IRF2: variants seen among roughly 807,000 people sequenced by gnomAD.
IRF2 encodes interferon regulatory factor 2.
Under a neutral mutation model 40.6 loss-of-function variants are expected in IRF2, and 15 were observed. The observed-to-expected ratio is 0.37, with a 90% CI of 0.25 to 0.57. The LOEUF is 0.57. Among genes scored for constraint, IRF2 ranks in the 20% least tolerant of loss-of-function variants. IRF2 has a pLI of 0.77. For synonymous variants in IRF2, 151 were observed against 165.5 expected (o/e 0.91, Z 0.67); for missense variants, 317 against 455.7 (o/e 0.70, Z 2.77).
At chr4:184,402,408 C>T (rs563400308) in intron 6 of IRF2, among the ~76,000 whole-genome samples, 3 of 152,288 alleles carry the variant, frequency 2.0e-5, no homozygotes, top group Admixed American at 1.3e-4. Context: ...CCCCGTCACT[C>T]GGCCGAAACT....
chr4:184,455,019 G>A lies in IRF2; in HGVS notation c.-7+19360C>T, dbSNP rs1008777400. Among the ~76,000 whole-genome samples, 63 of 152,222 alleles carry A rather than the reference G, an allele frequency of 4.1e-4. 1 individual carries two copies. Among genetic ancestry groups the A allele is most frequent in the South Asian group, 6.2e-4 (3 of 4,822 alleles). The stretch of plus-strand genomic sequence containing the variant: ...TGTCCAGGGTCCACCTTCTGTAATA[G>A]AAGCATATTCTCCACCCTGCACATT... On this transcript the variant is annotated intron_variant, in intron 1 of 8. Coordinates refer to ENST00000393593, the MANE Select transcript of IRF2 (RefSeq NM_002199.4).
At chr4:184,416,342 A>C (rs1171995976) in intron 5 of IRF2, among the ~76,000 whole-genome samples, 4 of 150,988 alleles carry the variant, frequency 2.6e-5, no homozygotes, top group Non-Finnish European at 5.9e-5. Context: ...AAAAAAAAAA[A>C]ACGAAAAAAA....
chr4:184,418,799 G>T (rs1205039876), intron 3 of IRF2, 91 bp from the exon 4 acceptor site: 16 of 1,123,066 alleles, frequency 1.4e-5, no homozygotes, highest in South Asian at 8.8e-5. Flanking sequence ...TGGTCAGGCA[G>T]TATAAGGAAA....
At chr4:184,433,946 G>A (rs539296518) in intron 1 of IRF2, among the ~76,000 whole-genome samples, 23 of 152,164 alleles carry the variant, frequency 1.5e-4, no homozygotes, top group Admixed American at 2.0e-4. Flanking sequence ...CACCAGAAAC[G>A]GATCATTTAG....
intron 1 of IRF2, among the ~76,000 whole-genome samples, chr4:184,443,051 G>A (rs1738372959): frequency 1.3e-5 from 2 of 152,072 alleles, no homozygotes; most frequent in African/African-American, 2.4e-5. Context: ...TCAGCCTCCT[G>A]TGTAGCTGGG....
chr4:184,439,987 G>A (rs1173198888), intron 1 of IRF2, among the ~76,000 whole-genome samples: 2 of 152,236 alleles, frequency 1.3e-5, no homozygotes, highest in South Asian at 2.1e-4. Flanking sequence ...TACATGCAGT[G>A]TGTTAACGTT....
intron 2 of IRF2, among the ~76,000 whole-genome samples, chr4:184,422,764 A>G (rs894714415): frequency 6.6e-6 from 1 of 152,202 alleles, no homozygotes; most frequent in Admixed American, 6.5e-5. Flanking sequence ...GCAGAGATCC[A>G]TAGAGACAGA....
At chr4:184,429,165 T>G in intron 1 of IRF2, 95 bp from the exon 2 acceptor site, 16 of 711,006 alleles carry the variant, frequency 2.3e-5, no homozygotes, top group East Asian at 7.1e-5. Context: ...TTTCCTTCTC[T>G]CCTTTCCTGG....
rs185899434 is a variant in IRF2 at position 184,426,357 on chromosome 4, C to T, written c.87+2621G>A. Among the ~76,000 whole-genome samples the T allele has an allele frequency of 4.6e-5, 7 of 152,316 alleles. No individual in the cohort carries two copies. In the East Asian group the frequency reaches 9.6e-4, roughly 21 times the overall value. On this transcript the variant is annotated intron_variant, in intron 2 of 8. Transcript: ENST00000393593. ...CAAGGCTCTGGGAAGGATCCTTCCT[C>T]GCCTCTTCTTGGAGTCCCTCGGCTG...
intron 1 of IRF2, among the ~76,000 whole-genome samples, chr4:184,472,942 G>A (rs1293370065): frequency 1.3e-5 from 2 of 152,238 alleles, no homozygotes; most frequent in East Asian, 1.9e-4. Context: ...AACGCACCCA[G>A]ACCGGGGGCC....
At chr4:184,430,069 T>C (rs1214639628) in intron 1 of IRF2, among the ~76,000 whole-genome samples, 2 of 152,216 alleles carry the variant, frequency 1.3e-5, no homozygotes, top group Non-Finnish European at 2.9e-5. Flanking sequence ...CAATCCTGAT[T>C]GGTCCCTTCC....
intron 3 of IRF2, 74 bp from the exon 4 acceptor site, chr4:184,418,782 G>A: frequency 1.6e-6 from 2 of 1,286,816 alleles, no homozygotes; most frequent in Non-Finnish European, 2.2e-6. Flanking sequence ...TGGAAACACA[G>A]TATTGCTGGT....
At chr4:184,432,371 G>T (rs1247810610) in intron 1 of IRF2, among the ~76,000 whole-genome samples, 3 of 152,242 alleles carry the variant, frequency 2.0e-5, no homozygotes, top group African/African-American at 7.2e-5. Flanking sequence ...AGGCTACAGA[G>T]TGCGACATTT....
intron 5 of IRF2, among the ~76,000 whole-genome samples, chr4:184,412,005 T>TAA (rs35183333): frequency 0.026 from 2,496 of 95,172 alleles, 156 homozygotes; most frequent in African/African-American, 0.1. Flanking sequence ...CTCCAAAGAT[T>TAA]AAAAAAAAAA....
In IRF2 at chr4:184,408,086, C is replaced by G. The variant is rs1244716159; in HGVS notation, c.529+72G>C. On this transcript the variant is annotated intron_variant, in intron 6 of 8. Coordinates refer to ENST00000393593, the MANE Select transcript of IRF2 (RefSeq NM_002199.4). This position sits in a 1 kb window ranked among gnomAD's most constrained non-coding sequence, Gnocchi z 4.9. Reference sequence around the variant, plus strand: ...CCCACTGACTATGTTATTTGAAGTTCTCTGTTTTACAAATTTTAGGCCCCA... The same window carrying G: ...CCCACTGACTATGTTATTTGAAGTTGTCTGTTTTACAAATTTTAGGCCCCA... 8.5e-6 allele frequency: 7 copies of G among 827,972 alleles called. No homozygotes were observed. Among genetic ancestry groups the G allele is most frequent in the Admixed American group, 2.0e-5 (1 of 49,654 alleles). 51.3% of individuals were successfully genotyped at this position (827,972 alleles called of 1,614,324 possible).
intron 1 of IRF2, among the ~76,000 whole-genome samples, chr4:184,471,591 A>T (rs987985610): frequency 7.9e-5 from 12 of 152,252 alleles, no homozygotes; most frequent in Non-Finnish European, 1.5e-4. Context: ...ACAGTTTTGT[A>T]CGAGATGATG....
chr4:184,461,455 C>T (rs1211909888), intron 1 of IRF2, among the ~76,000 whole-genome samples: 1 of 152,198 alleles, frequency 6.6e-6, no homozygotes, highest in Non-Finnish European at 1.5e-5. Flanking sequence ...CTGGAACTGT[C>T]ATCTTACTTG....
chr4:184,456,543 C>T (rs1738940841), intron 1 of IRF2, among the ~76,000 whole-genome samples: 1 of 152,242 alleles, frequency 6.6e-6, no homozygotes, highest in African/African-American at 2.4e-5. Flanking sequence ...TGTCCTCGCA[C>T]CTCAGCGAGG....
At chr4:184,470,118 A>G (rs1739463346) in intron 1 of IRF2, among the ~76,000 whole-genome samples, 1 of 152,156 alleles carries the variant, frequency 6.6e-6, no homozygotes, top group Non-Finnish European at 1.5e-5. Context: ...CAGGCCAAAC[A>G]CAGGGGGCCG....
Sources: allele counts gnomAD v4.1 joint callset (sites outside exome capture counted in the v4.1 genomes callset), GRCh38; gene constraint gnomAD v4.1.1; non-coding constraint Gnocchi (gnomAD v3.1); transcripts MANE v1.5; gene names NCBI Gene and HGNC (gene_info 2026-07-23, HGNC 2026-07-21).